Variants in CRYBB2 observed in about 807,000 individuals in gnomAD.
CRYBB2 encodes the protein beta-crystallin B2.
Under a neutral mutation model 24.3 loss-of-function variants are expected in CRYBB2, and 12 were observed. The ratio of observed to expected loss-of-function variants is 0.49; its 90% CI spans 0.32 to 0.80. The LOEUF (loss-of-function observed/expected upper bound fraction) is 0.80. Ranked by LOEUF, CRYBB2 falls within the 30% of genes least tolerant of loss-of-function variation. CRYBB2 has a pLI of 0.04. For synonymous variants in CRYBB2, 98 were observed against 101.6 expected (o/e 0.96, Z 0.21); for missense variants, 198 against 268.5 (o/e 0.74, Z 1.83).
intron 2 of CRYBB2, among the ~76,000 whole-genome samples, chr22:25,224,316 C>T (rs1398127505): frequency 3.9e-5 from 6 of 152,136 alleles, no homozygotes; most frequent in Non-Finnish European, 2.9e-5. Context: ...TTGCAACATG[C>T]TGCTTCCATT....
chr22:25,214,343 T>C (rs1380033037), intron 1 of CRYBB2, among the ~76,000 whole-genome samples: 2 of 152,146 alleles, frequency 1.3e-5, no homozygotes, highest in Non-Finnish European at 2.9e-5. Flanking sequence ...ATCTCAAATT[T>C]TTAAAAAGGC....
intron 5 of CRYBB2, among the ~76,000 whole-genome samples, chr22:25,229,894 G>T (rs531498649): frequency 6.6e-6 from 1 of 151,916 alleles, no homozygotes; most frequent in South Asian, 2.1e-4. Context: ...TTAGGTTGAG[G>T]CAGGAGGGAA....
chr22:25,220,765 T>C (rs1274753166), intron 1 of CRYBB2, among the ~76,000 whole-genome samples: 1 of 152,182 alleles, frequency 6.6e-6, no homozygotes, highest in Non-Finnish European at 1.5e-5. Flanking sequence ...AGGTCTACCC[T>C]GCTGCCTGCC....
intron 4 of CRYBB2, among the ~76,000 whole-genome samples, chr22:25,229,065 A>C (rs962383181): frequency 7.4e-6 from 1 of 134,560 alleles, no homozygotes; most frequent in Non-Finnish European, 1.6e-5. Flanking sequence ...GCGTGTGTGC[A>C]TGTGTGCGTG....
chr22:25,223,980 T>G (rs571721639), intron 2 of CRYBB2, among the ~76,000 whole-genome samples: 2 of 151,910 alleles, frequency 1.3e-5, no homozygotes, highest in Non-Finnish European at 2.9e-5. Context: ...AAAAATTAGC[T>G]GGGCGTGGTG....
At chr22:25,227,548 C>T (rs1487605475) in intron 3 of CRYBB2, among the ~76,000 whole-genome samples, 2 of 150,380 alleles carry the variant, frequency 1.3e-5, no homozygotes, top group Non-Finnish European at 3.0e-5. Context: ...TATTAACTTA[C>T]CAGCATACTA....
chr22:25,219,116 G>T (rs1935277696), upstream of CRYBB2, among the ~76,000 whole-genome samples: 1 of 152,126 alleles, frequency 6.6e-6, no homozygotes, highest in Non-Finnish European at 1.5e-5. Context: ...ATCCCTGAGG[G>T]ATGCGCTACC....
upstream of CRYBB2, among the ~76,000 whole-genome samples, chr22:25,218,773 GAGAGAGAAGAAAGA>G (rs1420991439): frequency 1.6e-3 from 53 of 32,194 alleles, no homozygotes; most frequent in African/African-American, 9.1e-3. Context: ...GAGAGAGAGA[GAGAGAGAAGAAAGA>G]AAGAAAGAAA....
At chr22:25,219,452 C>T (rs553188536), upstream of CRYBB2, 9 of 152,364 alleles carry the variant, frequency 5.9e-5, no homozygotes, top group East Asian at 7.7e-4. Context: ...CTGGCGCGGC[C>T]GAATCTGAAA....
upstream of CRYBB2, among the ~76,000 whole-genome samples, chr22:25,218,755 G>A (rs1379476232): frequency 3.5e-3 from 133 of 37,792 alleles, 6 homozygotes; most frequent in Admixed American, 0.02. Flanking sequence ...GAGAGAGAGA[G>A]AGAGAGAGAG....
At chr22:25,224,478 T>C (rs531537888) in intron 2 of CRYBB2, among the ~76,000 whole-genome samples, 11 of 152,300 alleles carry the variant, frequency 7.2e-5, no homozygotes, top group African/African-American at 2.6e-4. Flanking sequence ...ACCATTATGC[T>C]CCCCTGAATC....
chr22:25,218,578 A>G (rs1935220569), upstream of CRYBB2, among the ~76,000 whole-genome samples: 1 of 150,874 alleles, frequency 6.6e-6, no homozygotes. Context: ...AGGCAGGAGA[A>G]TCGCTTGAAC....
upstream of CRYBB2, among the ~76,000 whole-genome samples, chr22:25,214,747 G>A (rs902376665): frequency 1.3e-5 from 2 of 152,214 alleles, no homozygotes; most frequent in Non-Finnish European, 1.5e-5. Flanking sequence ...TTCTTCGCAA[G>A]TGTGGGAAAC....
intron 1 of CRYBB2, chr22:25,213,776 T>A (rs1273452813): frequency 6.6e-6 from 1 of 152,196 alleles, no homozygotes; most frequent in Non-Finnish European, 1.5e-5. Context: ...CACTCCCTAC[T>A]TCCTGATGCC....
Position 25,224,924 on chromosome 22 carries a change from A to G in CRYBB2, c.61A>G (p.Ile21Val). 7 of 1,571,174 alleles carry G rather than the reference A, an allele frequency of 4.5e-6. 1 individual carries two copies. The South Asian group carries it at 5.5e-5, about 12-fold the overall frequency. Residue 21 changes from isoleucine to valine, a missense_variant, in exon 3 of 6, where the codon ATC becomes GTC. Ile to Val is a conservative substitution (Grantham distance 29, BLOSUM62 3). Coordinates refer to ENST00000398215, the MANE Select transcript of CRYBB2 (RefSeq NM_000496.3). ...GTCTCGCTTCCTCTTGCAGATCATC[A>G]TCTTTGAGCAGGAAAACTTTCAAGG... is the stretch of plus-strand genomic sequence containing the variant. ...KPQSLNPKIIIFEQENFQGHS... is the reference protein window; with the variant it reads ...KPQSLNPKIIVFEQENFQGHS...
At chr22:25,225,120 T>G (rs1461307982) in intron 3 of CRYBB2, 84 bp downstream of exon 3, 2 of 827,354 alleles carry the variant, frequency 2.4e-6, no homozygotes, top group Non-Finnish European at 4.3e-6. Flanking sequence ...CCCTTGCTCC[T>G]GTCTGCAAAT....
At chr22:25,229,008 A>G (rs879403296) in intron 4 of CRYBB2, among the ~76,000 whole-genome samples, 6 of 144,892 alleles carry the variant, frequency 4.1e-5, no homozygotes, top group South Asian at 2.2e-4. Context: ...GTGTGTGTGC[A>G]AGTGTGGGTG....
rs1935491514 is a variant in CRYBB2, at chr22:25,229,325, G to C, written c.307-111G>C. On this transcript the variant is annotated intron_variant, in intron 4 of 5. Transcript: ENST00000398215. ...ACACGTAGTGGGTGCACTGGGAAGA[G>C]AGTGATGTGTGGGACATGCTGATCC... 4 of 1,521,900 alleles carry C rather than the reference G, an allele frequency of 2.6e-6. No individual in the cohort carries two copies. In the South Asian group the frequency reaches 4.8e-5, roughly 18 times the overall value. The allele number at this position is 1,521,900 out of a possible 1,614,324, so 94.3% of individuals were successfully genotyped here. A position where few individuals can be genotyped will look rare whatever the true frequency, so the allele number is the denominator to read the frequency against.
intron 2 of CRYBB2, 111 bp downstream of exon 2, chr22:25,221,594 G>C: frequency 1.3e-6 from 1 of 771,068 alleles, no homozygotes; most frequent in South Asian, 1.5e-5. Flanking sequence ...CTCGACCCCT[G>C]CCCCTCTCTG....
Sources: allele counts gnomAD v4.1 joint callset (sites outside exome capture counted in the v4.1 genomes callset), GRCh38; gene constraint gnomAD v4.1.1; transcripts MANE v1.5; gene names NCBI Gene and HGNC (gene_info 2026-07-23, HGNC 2026-07-21).